FAM89A: variants seen among roughly 807,000 people sequenced by gnomAD.
FAM89A encodes protein FAM89A.
Under a neutral mutation model 7.1 loss-of-function variants are expected in FAM89A, and 10 were observed. The ratio of observed to expected loss-of-function variants is 1.40; its 90% CI spans 0.86 to 2.38. The LOEUF is 2.38. Ranked by LOEUF, FAM89A falls within the 30% of genes most tolerant of loss-of-function variation. The probability of loss-of-function intolerance (pLI) is 0.00; values close to 1 mark genes in which losing one functional copy is unlikely to be tolerated. For synonymous variants in FAM89A, 157 were observed against 129.3 expected (o/e 1.21, Z -1.45); for missense variants, 276 against 262.8 (o/e 1.05, Z -0.35).
intron 1 of FAM89A, among the ~76,000 whole-genome samples, chr1:231,022,977 T>C (rs1354962399): frequency 6.6e-6 from 1 of 152,100 alleles, no homozygotes; most frequent in Non-Finnish European, 1.5e-5. Context: ...GCAAGATAAA[T>C]AGGACAGGCA....
intron 1 of FAM89A, among the ~76,000 whole-genome samples, chr1:231,031,187 T>C (rs966656574): frequency 6.6e-6 from 1 of 152,332 alleles, no homozygotes; most frequent in African/African-American, 2.4e-5. Context: ...TTTAAATATC[T>C]GGCTTATCTG....
At chr1:231,038,404 G>T (rs964207374) in intron 1 of FAM89A, among the ~76,000 whole-genome samples, 5 of 152,182 alleles carry the variant, frequency 3.3e-5, no homozygotes, top group Non-Finnish European at 7.3e-5. Flanking sequence ...TTCACAACAG[G>T]AGCGGCCCCG....
At chr1:231,028,412 C>T (rs1680008806) in intron 1 of FAM89A, 2 of 152,256 alleles carry the variant, frequency 1.3e-5, no homozygotes, top group South Asian at 4.1e-4. Flanking sequence ...TCCAAAAGGA[C>T]TTGATTGCAA....
intron 1 of FAM89A, 59 bp downstream of exon 1, chr1:231,039,862 A>G (rs1381773681): frequency 7.9e-7 from 1 of 1,269,940 alleles, no homozygotes; most frequent in Non-Finnish European, 9.9e-7. Context: ...GTCCCCGCGA[A>G]CTTTCCCGGG....
rs372910321 is a variant in FAM89A, at chr1:231,023,504, G to A, written c.292-3378C>T. Among the ~76,000 whole-genome samples, 5 of 152,342 alleles carry A rather than the reference G, an allele frequency of 3.3e-5. No individual in the cohort carries two copies. The South Asian group carries it at 8.3e-4, about 25-fold the overall frequency. On this transcript the variant is annotated intron_variant, in intron 1 of 1. Transcript: ENST00000366654. ...CAAGCAAAACAAACAGCCTTTTCGT[G>A]TGAAACATCTTCAGGGTGGGAAAGG...
At chr1:231,035,515 T>G (rs1356682707) in intron 1 of FAM89A, among the ~76,000 whole-genome samples, 1 of 152,160 alleles carries the variant, frequency 6.6e-6, no homozygotes, top group Admixed American at 6.5e-5. Flanking sequence ...GGTCTTTGTG[T>G]CTCTACACTC....
intron 1 of FAM89A, 138 bp downstream of exon 1, chr1:231,039,783 C>T (rs1367479484): frequency 1.4e-5 from 12 of 862,544 alleles, no homozygotes; most frequent in Non-Finnish European, 7.7e-6. Flanking sequence ...GTTGGGAGGA[C>T]GGCGCCGGCG....
chr1:231,022,813 T>C (rs1437362373), intron 1 of FAM89A, among the ~76,000 whole-genome samples: 1 of 152,192 alleles, frequency 6.6e-6, no homozygotes, highest in African/African-American at 2.4e-5. Context: ...CGTTACCTAC[T>C]TTTCAGCAGC....
At chr1:231,038,106 C>G (rs1353336273) in intron 1 of FAM89A, among the ~76,000 whole-genome samples, 1 of 152,316 alleles carries the variant, frequency 6.6e-6, no homozygotes, top group East Asian at 1.9e-4. Context: ...CCGAAAGATT[C>G]TCTGGGCAAC....
chr1:231,026,345 C>G (rs1387407825), intron 1 of FAM89A: 2 of 152,358 alleles, frequency 1.3e-5, no homozygotes, highest in African/African-American at 2.4e-5. Flanking sequence ...GACACTGCCT[C>G]ATGAGGAAGG....
chr1:231,034,891 C>T (rs1168451973), intron 1 of FAM89A, among the ~76,000 whole-genome samples: 3 of 151,856 alleles, frequency 2.0e-5, no homozygotes, highest in Non-Finnish European at 4.4e-5. Flanking sequence ...CTGGAGCTGG[C>T]GGTCCATCCT....
intron 1 of FAM89A, among the ~76,000 whole-genome samples, chr1:231,037,960 A>T (rs533118105): frequency 1.8e-4 from 28 of 152,202 alleles, no homozygotes; most frequent in Non-Finnish European, 3.7e-4. Flanking sequence ...ATTTAAACAG[A>T]TCAACACAAA....
chr1:231,025,560 C>T (rs1679955408), intron 1 of FAM89A, among the ~76,000 whole-genome samples: 1 of 152,040 alleles, frequency 6.6e-6, no homozygotes, highest in South Asian at 2.1e-4. Context: ...TAAGAGATGC[C>T]CAGGCCACCA....
intron 1 of FAM89A, among the ~76,000 whole-genome samples, chr1:231,032,221 T>G (rs1203816563): frequency 6.6e-6 from 1 of 152,240 alleles, no homozygotes; most frequent in East Asian, 1.9e-4. Context: ...AAAATTATAT[T>G]GCAATTCTGC....
chr1:231,029,626 G>A (rs1680036660), intron 1 of FAM89A, among the ~76,000 whole-genome samples: 1 of 152,208 alleles, frequency 6.6e-6, no homozygotes, highest in African/African-American at 2.4e-5. Flanking sequence ...TGCCTGTACA[G>A]GGAAGATGAA....
intron 1 of FAM89A, among the ~76,000 whole-genome samples, chr1:231,024,841 A>G (rs899796202): frequency 1.3e-5 from 2 of 151,444 alleles, no homozygotes; most frequent in Admixed American, 6.6e-5. Flanking sequence ...CCCAGCCTAC[A>G]GAGCATCTTT....
intron 1 of FAM89A, among the ~76,000 whole-genome samples, chr1:231,031,408 C>T (rs1680066166): frequency 6.6e-6 from 1 of 152,196 alleles, no homozygotes; most frequent in African/African-American, 2.4e-5. Flanking sequence ...CACTCTATTA[C>T]ATTAAAACCC....
chr1:231,020,931 C>T (rs181329058), intron 1 of FAM89A, among the ~76,000 whole-genome samples: 135 of 152,324 alleles, frequency 8.9e-4, no homozygotes, highest in African/African-American at 3.1e-3. Flanking sequence ...GGAAATGCAT[C>T]GTTTACACCA....
chr1:231,022,064 A>G (rs1558253892), intron 1 of FAM89A: 1 of 1,417,344 alleles, frequency 7.1e-7, no homozygotes, highest in Non-Finnish European at 1.0e-6. Context: ...CATCGTTTCC[A>G]CAGAATGTGG....
Sources: allele counts gnomAD v4.1 joint callset (sites outside exome capture counted in the v4.1 genomes callset), GRCh38; gene constraint gnomAD v4.1.1; transcripts MANE v1.5; gene names NCBI Gene and HGNC (gene_info 2026-07-23, HGNC 2026-07-21).